ELMO1: variants seen among roughly 807,000 people sequenced by gnomAD.
ELMO1 encodes engulfment and cell motility 1.
In ELMO1, 26 loss-of-function variants were observed where a neutral mutation model predicts 98.9. The ratio of observed to expected loss-of-function variants is 0.26; its 90% CI spans 0.19 to 0.36. ELMO1 has a LOEUF of 0.36. ELMO1 is among the 10% of genes least tolerant of loss of function. The pLI is 1.00. For synonymous variants in ELMO1, 346 were observed against 346.0 expected, an observed-to-expected ratio of 1.00 and a Z score of 0.00; for missense variants, 627 against 935.2, an observed-to-expected ratio of 0.67 and a Z score of 4.30.
intron 7 of ELMO1, among the ~76,000 whole-genome samples, chr7:37,237,079 C>T (rs890946160): frequency 6.6e-6 from 1 of 152,174 alleles, no homozygotes; most frequent in Non-Finnish European, 1.5e-5. Context: ...ACTTTACATG[C>T]TGGTGGAAAG....
chr7:37,001,420 A>G lies in ELMO1; in HGVS notation c.1437+11879T>C, dbSNP rs1792664092. Among the ~76,000 whole-genome samples, 4 of 152,354 alleles carry G rather than the reference A, an allele frequency of 2.6e-5. No homozygotes were observed. In the South Asian group the frequency reaches 8.3e-4, roughly 32 times the overall value. On this transcript the variant is annotated intron_variant, in intron 16 of 21. Transcript: ENST00000310758. ...AACACAAAGTATTTGAGCAGATACT[A>G]CTTAAAAGCACCTGGAGGATATTAA...
upstream of ELMO1, chr7:37,449,024 C>T: frequency 6.6e-6 from 1 of 152,470 alleles, no homozygotes; most frequent in Non-Finnish European, 1.5e-5. Context: ...CCGCCCCCGG[C>T]ACCTGCGCCA....
At chr7:36,964,231 T>C (rs929701168) in intron 16 of ELMO1, among the ~76,000 whole-genome samples, 4 of 152,224 alleles carry the variant, frequency 2.6e-5, no homozygotes, top group Non-Finnish European at 5.9e-5. Context: ...TATGTCCCAA[T>C]AATCCCATCG....
chr7:37,247,254 A>G (rs1345125873), intron 6 of ELMO1, among the ~76,000 whole-genome samples: 1 of 152,120 alleles, frequency 6.6e-6, no homozygotes, highest in Admixed American at 6.6e-5. Context: ...TAGGAATGTT[A>G]CCTACGGTTT....
intron 16 of ELMO1, among the ~76,000 whole-genome samples, chr7:36,999,059 G>T (rs1351610617): frequency 1.3e-5 from 2 of 152,126 alleles, no homozygotes; most frequent in Non-Finnish European, 2.9e-5. Flanking sequence ...GAGCAGGTGA[G>T]AGGGGATGAA....
intron 13 of ELMO1, among the ~76,000 whole-genome samples, chr7:37,145,294 T>C (rs1036425641): frequency 5.3e-5 from 8 of 152,348 alleles, no homozygotes; most frequent in African/African-American, 1.9e-4. Context: ...AGATCTACCA[T>C]TCCTCAAATC....
chr7:37,103,413 G>A (rs1029420943), intron 14 of ELMO1, among the ~76,000 whole-genome samples: 2 of 150,154 alleles, frequency 1.3e-5, no homozygotes, highest in African/African-American at 4.9e-5. Context: ...GCAAACTATC[G>A]CAAGGACAAA....
intron 16 of ELMO1, among the ~76,000 whole-genome samples, chr7:36,898,430 T>A (rs941671122): frequency 6.6e-6 from 1 of 152,226 alleles, no homozygotes; most frequent in Non-Finnish European, 1.5e-5. Flanking sequence ...GTGGTGTGTT[T>A]CTGAAGTCTT....
chr7:37,087,145 G>T (rs192244945), intron 15 of ELMO1, among the ~76,000 whole-genome samples: 155 of 152,192 alleles, frequency 1.0e-3, no homozygotes, highest in African/African-American at 3.6e-3. Context: ...GCTGACATAT[G>T]GAACATCTAC....
At chr7:36,959,946 A>T (rs1414723090) in intron 16 of ELMO1, among the ~76,000 whole-genome samples, 1 of 152,108 alleles carries the variant, frequency 6.6e-6, no homozygotes, top group Non-Finnish European at 1.5e-5. Flanking sequence ...CTCCCAAAGC[A>T]TATAATCTCA....
At chr7:36,914,009 G>A (rs1000277475) in intron 16 of ELMO1, among the ~76,000 whole-genome samples, 1 of 152,208 alleles carries the variant, frequency 6.6e-6, no homozygotes, top group Non-Finnish European at 1.5e-5. Flanking sequence ...GCACATGCAC[G>A]TTTTTCTACC....
At chr7:36,976,609 T>C (rs1364601986) in intron 16 of ELMO1, among the ~76,000 whole-genome samples, 1 of 152,224 alleles carries the variant, frequency 6.6e-6, no homozygotes, top group Non-Finnish European at 1.5e-5. Context: ...CAAGTCCTTT[T>C]GTTTGGCTCT....
intron 16 of ELMO1, among the ~76,000 whole-genome samples, chr7:36,943,736 A>T (rs138016588): frequency 6.6e-6 from 1 of 152,226 alleles, no homozygotes; most frequent in Non-Finnish European, 1.5e-5. Context: ...AACGCTTTGC[A>T]CTTTTGTTTT....
intron 16 of ELMO1, among the ~76,000 whole-genome samples, chr7:36,991,546 C>A (rs1791879554): frequency 6.6e-6 from 1 of 152,194 alleles, no homozygotes; most frequent in Non-Finnish European, 1.5e-5. Context: ...ATATGCAAAA[C>A]CTGAACTGAA....
At chr7:37,373,683 T>C (rs1802210887) in intron 1 of ELMO1, among the ~76,000 whole-genome samples, 1 of 152,224 alleles carries the variant, frequency 6.6e-6, no homozygotes, top group Non-Finnish European at 1.5e-5. Flanking sequence ...TGCTTTTATT[T>C]TAAACAACTC....
intron 1 of ELMO1, among the ~76,000 whole-genome samples, chr7:37,351,949 G>C (rs1487428410): frequency 2.0e-5 from 3 of 152,204 alleles, no homozygotes; most frequent in African/African-American, 7.2e-5. Context: ...CGCATGGATT[G>C]CAAGAGTTAG....
At chr7:36,924,692 G>A (rs1785397832) in intron 16 of ELMO1, among the ~76,000 whole-genome samples, 1 of 152,266 alleles carries the variant, frequency 6.6e-6, no homozygotes, top group African/African-American at 2.4e-5. Context: ...ATAGGGGGGA[G>A]GAAGAGTGTA....
At chr7:37,101,744 T>C (rs1297713860) in intron 14 of ELMO1, among the ~76,000 whole-genome samples, 2 of 151,846 alleles carry the variant, frequency 1.3e-5, no homozygotes, top group East Asian at 3.9e-4. Context: ...CTGGTTATTC[T>C]CTTAAGGGGG....
chr7:37,075,046 C>T (rs1427827408), intron 15 of ELMO1, among the ~76,000 whole-genome samples: 3 of 152,124 alleles, frequency 2.0e-5, no homozygotes, highest in Non-Finnish European at 2.9e-5. Flanking sequence ...GTGAAGATGT[C>T]CACGAGCAAT....
Sources: gnomAD v4.1 joint callset for allele counts (sites outside exome capture counted in the v4.1 genomes callset) on GRCh38, gnomAD v4.1.1 for gene constraint, MANE v1.5 for transcripts, NCBI Gene and HGNC (gene_info 2026-07-23, HGNC 2026-07-21) for gene names.